NTRK2: variants seen among roughly 807,000 people sequenced by gnomAD.
The protein encoded by NTRK2 is neurotrophic receptor tyrosine kinase 2.
In NTRK2, 13 loss-of-function variants were observed where a neutral mutation model predicts 94.5. The observed-to-expected ratio is 0.14, with a 90% CI of 0.09 to 0.22. The LOEUF (loss-of-function observed/expected upper bound fraction) is 0.22, where lower values mean the gene tolerates loss of function less well. NTRK2 is among the 10% of genes least tolerant of loss of function. The pLI is 1.00. For synonymous variants in NTRK2, 372 were observed against 407.4 expected, an observed-to-expected ratio of 0.91 and a Z score of 1.05; for missense variants, 639 against 1,071.2, an observed-to-expected ratio of 0.60 and a Z score of 5.63.
chr9:84,758,537 G>A (rs1407429604), intron 12 of NTRK2, among the ~76,000 whole-genome samples: 1 of 152,004 alleles, frequency 6.6e-6, no homozygotes, highest in Non-Finnish European at 1.5e-5. Context: ...GATTACAGGC[G>A]TGCGCTACCA....
chr9:84,967,149 C>G (rs1159994371), intron 17 of NTRK2, among the ~76,000 whole-genome samples: 3 of 152,172 alleles, frequency 2.0e-5, no homozygotes, highest in African/African-American at 7.2e-5. Flanking sequence ...TTGACTCATT[C>G]TCTAGGTAAT....
chr9:84,872,320 A>G, intron 14 of NTRK2: 1 of 1,104,314 alleles, frequency 9.1e-7, no homozygotes, highest in Non-Finnish European at 1.1e-6. Context: ...AACAAAACAT[A>G]CTAACCAGCA....
At chr9:84,692,971 A>G (rs1450389841) in intron 2 of NTRK2, among the ~76,000 whole-genome samples, 1 of 152,292 alleles carries the variant, frequency 6.6e-6, no homozygotes, top group Non-Finnish European at 1.5e-5. Context: ...GTTGCTCAAG[A>G]TGGAACCAAT....
At chr9:84,955,190 G>C (rs1196188016) in intron 16 of NTRK2, 93 bp from the exon 17 acceptor site, 3 of 1,054,998 alleles carry the variant, frequency 2.8e-6, no homozygotes, top group Non-Finnish European at 4.3e-6. Flanking sequence ...GGGGTGAGGA[G>C]CTTAGCAAGA....
At chr9:84,779,390 A>G (rs779410182) in intron 12 of NTRK2, among the ~76,000 whole-genome samples, 1 of 152,238 alleles carries the variant, frequency 6.6e-6, no homozygotes, top group Non-Finnish European at 1.5e-5. Flanking sequence ...TGTTGAGGCT[A>G]AGGCCAAATT....
At chr9:84,718,701 G>A (rs2061869369) in intron 6 of NTRK2, among the ~76,000 whole-genome samples, 1 of 152,154 alleles carries the variant, frequency 6.6e-6, no homozygotes, top group Admixed American at 6.5e-5. Flanking sequence ...AACGTTGCTG[G>A]GCTTTGCTGT....
chr9:84,877,793 A>G (rs200791121), intron 14 of NTRK2: 1 of 1,051,052 alleles, frequency 9.5e-7, no homozygotes, highest in African/African-American at 1.7e-5. Flanking sequence ...GGAATTCTTT[A>G]TCTATATGAT....
At chr9:84,811,785 T>TC (rs1218239741) in intron 12 of NTRK2, 7 of 1,065,398 alleles carry the variant, frequency 6.6e-6, no homozygotes, top group African/African-American at 1.6e-5. Context: ...GATTTCTGCA[T>TC]CCCCCCTGAG....
intron 6 of NTRK2, among the ~76,000 whole-genome samples, chr9:84,717,240 G>A (rs142638579): frequency 7.2e-4 from 110 of 152,308 alleles, no homozygotes; most frequent in African/African-American, 2.5e-3. Context: ...CAGGATCACT[G>A]AAGCAAGCTG....
chr9:84,927,902 C>T (rs1466105147), intron 14 of NTRK2, among the ~76,000 whole-genome samples: 2 of 152,138 alleles, frequency 1.3e-5, no homozygotes, highest in African/African-American at 2.4e-5. Context: ...AAGTGGATTG[C>T]TCTATGGCCA....
At chr9:84,753,673 G>A (rs752711713) in intron 12 of NTRK2, among the ~76,000 whole-genome samples, 2 of 152,134 alleles carry the variant, frequency 1.3e-5, no homozygotes, top group African/African-American at 2.4e-5. Context: ...TGTGTGTGCC[G>A]CACCCTACCA....
At position 84,916,220 on chromosome 9, in the gene NTRK2, C is replaced by T. The variant is rs564963975; in HGVS notation, c.1634-17942C>T. Among the ~76,000 whole-genome samples the T allele has an allele frequency of 2.7e-4, 41 of 152,002 alleles. No homozygotes were observed. The South Asian group carries it at 5.6e-3, about 21-fold the overall frequency. ...ACTCTGTCCTCCCAAAAGTAGCATC[C>T]CACCAAGGGCCAGGGAGGATGAGAA... On this transcript the variant is annotated intron_variant, in intron 14 of 18. Coordinates refer to ENST00000277120, the MANE Select transcript of NTRK2 (RefSeq NM_006180.6).
chr9:84,827,968 TA>T (rs2073294275), intron 12 of NTRK2, among the ~76,000 whole-genome samples: 1 of 152,172 alleles, frequency 6.6e-6, no homozygotes, highest in Non-Finnish European at 1.5e-5. Context: ...TCCAAACCCT[TA>T]ACTAAACAGC....
intron 14 of NTRK2, among the ~76,000 whole-genome samples, chr9:84,918,838 T>C (rs2077474453): frequency 6.6e-6 from 1 of 152,218 alleles, no homozygotes. Context: ...ATGATAATGC[T>C]TTTATTAATG....
intron 12 of NTRK2, among the ~76,000 whole-genome samples, chr9:84,830,411 A>G (rs1423064338): frequency 6.6e-6 from 1 of 152,110 alleles, no homozygotes; most frequent in Non-Finnish European, 1.5e-5. Context: ...GTTTCCCAAT[A>G]AGTAGCTGTT....
intron 12 of NTRK2, chr9:84,811,639 A>G (rs2071805096): frequency 9.4e-7 from 1 of 1,065,104 alleles, no homozygotes; most frequent in African/African-American, 1.6e-5. Context: ...CCCCTACAAC[A>G]TACTGTCATA....
intron 17 of NTRK2, among the ~76,000 whole-genome samples, chr9:85,011,742 G>A (rs1588182604): frequency 1.3e-5 from 2 of 152,246 alleles, no homozygotes; most frequent in Non-Finnish European, 1.5e-5. Flanking sequence ...GACTAAGATA[G>A]AGAGCCCTTT....
chr9:84,949,445 G>GATTTATTT (rs71959281), intron 16 of NTRK2, among the ~76,000 whole-genome samples: 280 of 147,900 alleles, frequency 1.9e-3, no homozygotes, highest in African/African-American at 6.2e-3. Context: ...GATTGGTTGG[G>GATTTATTT]ATTTATTTAT....
At chr9:84,997,482 GAC>G (rs1185410593) in intron 17 of NTRK2, among the ~76,000 whole-genome samples, 1 of 152,218 alleles carries the variant, frequency 6.6e-6, no homozygotes, top group Non-Finnish European at 1.5e-5. Flanking sequence ...TAAGGTTACT[GAC>G]ACAGTAACAG....
Sources: gnomAD v4.1 joint callset for allele counts (sites outside exome capture counted in the v4.1 genomes callset) on GRCh38, gnomAD v4.1.1 for gene constraint, MANE v1.5 for transcripts, NCBI Gene and HGNC (gene_info 2026-07-23, HGNC 2026-07-21) for gene names.